Variants in PTPN12 observed in about 807,000 individuals in gnomAD.
The protein encoded by PTPN12 is protein tyrosine phosphatase non-receptor type 12, also known as tyrosine-protein phosphatase non-receptor type 12.
In PTPN12, 29 loss-of-function variants were observed where a neutral mutation model predicts 97.6. The observed-to-expected ratio is 0.30, with a 90% CI of 0.22 to 0.41. PTPN12 has a LOEUF of 0.41. PTPN12 is among the 10% of genes least tolerant of loss of function. The pLI is 1.00. For synonymous variants in PTPN12, 327 were observed against 300.4 expected, an observed-to-expected ratio of 1.09 and a Z score of -0.91; for missense variants, 819 against 926.0, an observed-to-expected ratio of 0.88 and a Z score of 1.50.
At chr7:77,576,715 A>G (rs1051567476) in intron 2 of PTPN12, among the ~76,000 whole-genome samples, 1 of 152,194 alleles carries the variant, frequency 6.6e-6, no homozygotes, top group African/African-American at 2.4e-5. Flanking sequence ...AAGAGCACCA[A>G]TGAAGAATAT....
intron 12 of PTPN12, among the ~76,000 whole-genome samples, chr7:77,618,950 G>T (rs1471588135): frequency 6.6e-6 from 1 of 152,138 alleles, no homozygotes; most frequent in African/African-American, 2.4e-5. Flanking sequence ...GCAAAGATGA[G>T]TTTATTTCTT....
chr7:77,592,280 C>G (rs759300679), intron 6 of PTPN12, 24 bp downstream of exon 6: 13 of 1,574,870 alleles, frequency 8.3e-6, no homozygotes, highest in Non-Finnish European at 7.8e-6. Flanking sequence ...TTTGTAAACA[C>G]TTTTTTCAGA....
intron 1 of PTPN12, among the ~76,000 whole-genome samples, chr7:77,563,484 C>T (rs934189350): frequency 6.6e-6 from 1 of 152,078 alleles, no homozygotes; most frequent in African/African-American, 2.4e-5. Context: ...GGATGATGGG[C>T]CTGTATGCCA....
chr7:77,569,268 A>T (rs1323705694), intron 1 of PTPN12, among the ~76,000 whole-genome samples: 2 of 152,204 alleles, frequency 1.3e-5, no homozygotes, highest in Non-Finnish European at 2.9e-5. Context: ...ACATATATAC[A>T]TACTGCACTG....
chr7:77,614,238 T>C (rs1172324213), intron 11 of PTPN12, among the ~76,000 whole-genome samples: 1 of 152,218 alleles, frequency 6.6e-6, no homozygotes, highest in Non-Finnish European at 1.5e-5. Context: ...CCAGAAAATA[T>C]GTGATAAATA....
Position 77,537,485 on chromosome 7 carries a change from C to T in PTPN12, c.-62C>T. 6.5e-6 allele frequency: 9 copies of T among 1,380,852 alleles called. No individual in the cohort carries two copies. The highest frequency in any genetic ancestry group is 8.5e-6 in the Non-Finnish European group (9 of 1,054,956). 85.5% of individuals were successfully genotyped at this position (1,380,852 alleles called of 1,614,324 possible). The stretch of plus-strand genomic sequence containing the variant: ...AACGAGCTGGGGAAGACGGAGCGGG[C>T]TCTGTGCCGGGCGGGCGGGCGGCGG... On this transcript the variant is annotated 5_prime_UTR_variant, in exon 1 of 18. Coordinates refer to ENST00000248594, the MANE Select transcript of PTPN12 (RefSeq NM_002835.4).
intron 1 of PTPN12, among the ~76,000 whole-genome samples, chr7:77,557,023 A>G (rs543547595): frequency 2.0e-5 from 3 of 151,978 alleles, no homozygotes; most frequent in East Asian, 1.9e-4. Flanking sequence ...CTGGAGTGCA[A>G]CGGCACAGCC....
intron 12 of PTPN12, among the ~76,000 whole-genome samples, chr7:77,619,207 A>G (rs926658755): frequency 4.6e-5 from 7 of 152,170 alleles, no homozygotes; most frequent in Admixed American, 4.6e-4. Context: ...AGGATTAAAT[A>G]AAAAACTATT....
intron 1 of PTPN12, among the ~76,000 whole-genome samples, chr7:77,562,103 G>T (rs1808027326): frequency 1.3e-5 from 2 of 152,062 alleles, no homozygotes; most frequent in Non-Finnish European, 2.9e-5. Context: ...GCCCAGGCTG[G>T]AGTGCAGTGG....
At chr7:77,567,207 A>C (rs1422921208) in intron 1 of PTPN12, among the ~76,000 whole-genome samples, 1 of 151,716 alleles carries the variant, frequency 6.6e-6, no homozygotes, top group African/African-American at 2.4e-5. Context: ...AAAAAAAAAA[A>C]AAACCTGCTC....
intron 1 of PTPN12, among the ~76,000 whole-genome samples, chr7:77,554,685 C>A (rs1203671909): frequency 6.6e-6 from 1 of 152,124 alleles, no homozygotes; most frequent in Non-Finnish European, 1.5e-5. Context: ...TTCTCTTAAT[C>A]TTTTCTGGGG....
At chr7:77,605,269 A>G (rs1788322568) in intron 8 of PTPN12, among the ~76,000 whole-genome samples, 1 of 152,150 alleles carries the variant, frequency 6.6e-6, no homozygotes, top group Non-Finnish European at 1.5e-5. Context: ...AATGTTACAC[A>G]ACTTTGTGGG....
At chr7:77,598,403 AG>A (rs1334493526) in intron 7 of PTPN12, among the ~76,000 whole-genome samples, 2 of 151,892 alleles carry the variant, frequency 1.3e-5, no homozygotes, top group Non-Finnish European at 2.9e-5. Flanking sequence ...AGTTGAGGCC[AG>A]GTATGGTGGC....
intron 13 of PTPN12, among the ~76,000 whole-genome samples, chr7:77,628,334 C>G (rs1310258982): frequency 6.6e-6 from 1 of 152,088 alleles, no homozygotes; most frequent in Non-Finnish European, 1.5e-5. Context: ...CACTCAGTTC[C>G]CAAAGTGTAT....
chr7:77,571,080 G>T lies in PTPN12; in HGVS notation c.102G>T (p.Arg34=). 6.4e-7 allele frequency: 1 copy of T among 1,553,848 alleles called. No homozygotes were observed. Among genetic ancestry groups the T allele is most frequent in the Non-Finnish European group, 8.7e-7 (1 of 1,149,556 alleles). ...ATTTTTATTTGTTGTATTTTAAGCG[G>T]TTAAGAAGATTGTCTACCAAATATA... is the stretch of plus-strand genomic sequence containing the variant. ...GEDNFARDFM[R]LRRLSTKYRT... The change falls in exon 2 of 18, where the codon CGG becomes CGT. Residue 34 remains arginine (R), a splice_region_variant and synonymous_variant. Transcript: ENST00000248594.
chr7:77,561,946 C>T lies in PTPN12; in HGVS notation c.100-9132C>T, dbSNP rs561566184. ...AGCTGGGACTACAAGTGCCCATCACCACGCCCAACTAATTTTTGTATTTTT... is the reference window on the plus strand; with the variant it reads ...AGCTGGGACTACAAGTGCCCATCACTACGCCCAACTAATTTTTGTATTTTT... On this transcript the variant is annotated intron_variant, in intron 1 of 17. Transcript: ENST00000248594. 2.0e-5 allele frequency among the ~76,000 whole-genome samples: 3 copies of T among 151,862 alleles called. No individual in the cohort carries two copies. The East Asian group carries it at 5.8e-4, about 29-fold the overall frequency.
intron 1 of PTPN12, among the ~76,000 whole-genome samples, chr7:77,541,844 G>C (rs1479641294): frequency 2.0e-5 from 3 of 152,128 alleles, no homozygotes; most frequent in African/African-American, 7.2e-5. Context: ...TGCCTAGATG[G>C]TTATTTGCAT....
At chr7:77,571,572 A>G (rs17147681) in intron 2 of PTPN12, among the ~76,000 whole-genome samples, 33,533 of 152,132 alleles carry the variant, frequency 0.22, 4,740 homozygotes, top group East Asian at 0.7. Flanking sequence ...TTAATTGATT[A>G]ATTATGCATG....
intron 6 of PTPN12, among the ~76,000 whole-genome samples, chr7:77,595,411 G>A (rs1216485837): frequency 6.6e-6 from 1 of 152,188 alleles, no homozygotes; most frequent in Non-Finnish European, 1.5e-5. Context: ...GATGTGGGAT[G>A]AGGACAAGGG....
Sources: gnomAD v4.1 joint callset for allele counts (sites outside exome capture counted in the v4.1 genomes callset) on GRCh38, gnomAD v4.1.1 for gene constraint, MANE v1.5 for transcripts, NCBI Gene and HGNC (gene_info 2026-07-23, HGNC 2026-07-21) for gene names.